The following TVP23A variants were observed in gnomAD, a reference collection of about 807,000 sequenced individuals.
The protein encoded by TVP23A is Golgi apparatus membrane protein TVP23 homolog A.
A neutral mutation model predicts 31.7 loss-of-function variants in TVP23A; 21 were observed. The observed-to-expected ratio is 0.66, with a 90% CI of 0.47 to 0.95. The LOEUF (loss-of-function observed/expected upper bound fraction) is 0.95, where lower values mean the gene tolerates loss of function less well. Ranked by LOEUF, TVP23A falls within the 40% of genes least tolerant of loss-of-function variation. The pLI, the probability that TVP23A is intolerant of heterozygous loss-of-function variation, is 0.00. For synonymous variants in TVP23A, 104 were observed against 96.0 expected, an observed-to-expected ratio of 1.08 and a Z score of -0.49; for missense variants, 279 against 255.6, an observed-to-expected ratio of 1.09 and a Z score of -0.62.
intron 2 of TVP23A, among the ~76,000 whole-genome samples, chr16:10,807,636 T>C (rs2034006049): frequency 6.6e-6 from 1 of 152,136 alleles, no homozygotes; most frequent in East Asian, 1.9e-4. Flanking sequence ...CCACATAGAA[T>C]GATCTGCCTC....
intron 2 of TVP23A, 120 bp downstream of exon 2, chr16:10,817,983 T>C (rs566178199): frequency 1.4e-4 from 117 of 843,890 alleles, no homozygotes; most frequent in Non-Finnish European, 2.2e-4. Flanking sequence ...TCCACAGATA[T>C]GTCCCCAGCC....
chr16:10,790,570 C>T (rs1302052544), intron 2 of TVP23A, among the ~76,000 whole-genome samples: 1 of 152,078 alleles, frequency 6.6e-6, no homozygotes, highest in Non-Finnish European at 1.5e-5. Context: ...CAGGTGTGAG[C>T]CACTGCGCCC....
rs191806362 is a variant in TVP23A, at chr16:10,766,689, A to G, written c.*2413T>C. The G allele has an allele frequency of 1.9e-3, 674 of 359,648 alleles. 2 individuals carry two copies. Among genetic ancestry groups the G allele is most frequent in the African/African-American group, 0.013 (628 of 47,902 alleles). 22.3% of individuals were successfully genotyped at this position (359,648 alleles called of 1,614,324 possible). On this transcript the variant is annotated 3_prime_UTR_variant, in exon 8 of 8. Coordinates refer to ENST00000299866, the MANE Select transcript of TVP23A (RefSeq NM_001079512.4). This position sits in a 1 kb window ranked among gnomAD's most constrained non-coding sequence, Gnocchi z 4.8. ...AAACGCACAAAGAAAGGAAGGAAGG[A>G]AGGGATTTATTGAAAATGAAAGTCA...
In TVP23A at chr16:10,767,674, A is replaced by C; in HGVS notation, c.*1428T>G. On this transcript the variant is annotated 3_prime_UTR_variant, in exon 8 of 8. Coordinates refer to ENST00000299866, the MANE Select transcript of TVP23A (RefSeq NM_001079512.4). The surrounding 1 kb of genome is among the most constrained non-coding windows in gnomAD (Gnocchi z 4.6). ...TCTTAAAATGCAGACTCCTGGGCCC[A>C]TGTGGAAGCTGCTGAATCAGTTCTC... 2 of 506,662 alleles carry C rather than the reference A, an allele frequency of 3.9e-6. No individual in the cohort carries two copies. Among genetic ancestry groups the C allele is most frequent in the Non-Finnish European group, 3.5e-6 (1 of 285,634 alleles). 31.4% of individuals were successfully genotyped at this position (506,662 alleles called of 1,614,324 possible).
intron 2 of TVP23A, among the ~76,000 whole-genome samples, chr16:10,789,638 GGTCAA>G (rs2032979116): frequency 6.9e-6 from 1 of 145,482 alleles, no homozygotes; most frequent in African/African-American, 2.6e-5. Flanking sequence ...AGACCAGTCT[GGTCAA>G]CACGTGAAAC....
At chr16:10,774,229 T>C (rs1033864391) in intron 3 of TVP23A, 101 bp from the exon 4 acceptor site, 9 of 834,776 alleles carry the variant, frequency 1.1e-5, no homozygotes, top group Non-Finnish European at 1.7e-5. Flanking sequence ...AGACTTGTAC[T>C]GGGAGCAGGA....
At chr16:10,759,508 T>A (rs1175216336), downstream of TVP23A, among the ~76,000 whole-genome samples, 1 of 152,198 alleles carries the variant, frequency 6.6e-6, no homozygotes, top group Non-Finnish European at 1.5e-5. The surrounding 1 kb of genome is among the most constrained non-coding windows in gnomAD (Gnocchi z 4.7). Context: ...GCACACTGGC[T>A]CATGTCTGTA....
At chr16:10,759,766 ACT>A (rs1900814671), downstream of TVP23A, among the ~76,000 whole-genome samples, 3 of 152,096 alleles carry the variant, frequency 2.0e-5, no homozygotes, top group Admixed American at 2.0e-4. The surrounding 1 kb of genome is among the most constrained non-coding windows in gnomAD (Gnocchi z 4.7). Flanking sequence ...ACAGAGCAAG[ACT>A]CTGTCTCAAA....
chr16:10,764,391 C>A (rs1329723319), downstream of TVP23A, among the ~76,000 whole-genome samples: 3 of 150,656 alleles, frequency 2.0e-5, no homozygotes, highest in African/African-American at 7.4e-5. Context: ...TGGAGCATCT[C>A]AGTCTGCTGG....
rs1012113614 is a variant in TVP23A, at chr16:10,775,667, T to A, written c.90-571A>T. The A allele has an allele frequency of 2.1e-5, 10 of 477,796 alleles. No individual in the cohort carries two copies. The African/African-American group carries it at 2.1e-4, about 10-fold the overall frequency. The allele number at this position is 477,796 out of a possible 1,614,324, so 29.6% of individuals were successfully genotyped here. On this transcript the variant is annotated intron_variant, in intron 2 of 7. Transcript: ENST00000299866. ...AGGGGAAGGTGGTTCTTGTTCACTG[T>A]GCCTTTAGACACAAACCTGGCCAGA...
chr16:10,770,328 A>G lies in TVP23A; in HGVS notation c.586T>C (p.Cys196Arg), dbSNP rs1435855687. 1.9e-6 allele frequency: 3 copies of G among 1,551,246 alleles called. No individual in the cohort carries two copies. Among genetic ancestry groups the G allele is most frequent in the Admixed American group, 3.9e-5 (2 of 50,792 alleles). ...CCAGGCTTCTGAAAGTCACCTGGGC[A>G]GGCCTGCAAGGGGAAAAGTCAACCA... ...FLSQTVFQTA[C>R]PGDFQKPGLE... The change falls in exon 7 of 8, where the codon TGC (cysteine) becomes CGC (arginine). Residue 196 changes from cysteine to arginine, a missense_variant. By Grantham distance (180) the Cys-to-Arg change is radical. Transcript: ENST00000299866.
rs996400733 is a variant in TVP23A, at chr16:10,761,329, T to A, written c.*446A>T. ...CACAGACATTCCCTTTCTCGCACTT[T>A]GATGCTGGAATCACTGGTCTTTTCA... On this transcript the variant is annotated 3_prime_UTR_variant and NMD_transcript_variant, in exon 9 of 9. Coordinates refer to the TVP23A transcript ENST00000456096. The A allele has an allele frequency of 5.6e-6, 9 of 1,596,474 alleles. No homozygotes were observed. The African/African-American group carries it at 1.1e-4, about 19-fold the overall frequency.
rs746739702 is a variant in TVP23A, at chr16:10,775,115, G to A, written c.90-19C>T. The A allele has an allele frequency of 3.8e-6, 6 of 1,598,698 alleles. No homozygotes were observed. Among genetic ancestry groups the A allele is most frequent in the Admixed American group, 1.7e-5 (1 of 57,658 alleles). On this transcript the variant is annotated intron_variant, in intron 2 of 7. Transcript: ENST00000299866. Reference sequence around the variant, plus strand: ...GGGGTGTCTAGGAAAGGACCCAGAAGGCGCCCTCACTCCAAGAGCTAAGCG... The same window carrying A: ...GGGGTGTCTAGGAAAGGACCCAGAAAGCGCCCTCACTCCAAGAGCTAAGCG...
chr16:10,770,868 C>CAAAA lies in TVP23A; in HGVS notation c.583-541_583-538dup, dbSNP rs376701429. ...TGGGAGCAGAGTGAGACTCCCATCT[C>CAAAA]AAAAAAAAAAAAAAAAAAAAAAAAA... On this transcript the variant is annotated intron_variant, in intron 6 of 7. Transcript: ENST00000299866. 1.7e-3 allele frequency among the ~76,000 whole-genome samples: 113 copies of CAAAA among 66,448 alleles called. 9 individuals are homozygous for CAAAA. Among genetic ancestry groups the CAAAA allele is most frequent in the African/African-American group, 5.7e-3 (109 of 19,018 alleles). 43.6% of individuals were successfully genotyped at this position (66,448 alleles called of 152,430 possible).
chr16:10,818,181 G>T lies in TVP23A; in HGVS notation c.11C>A (p.Ala4Asp), dbSNP rs1375216960. Reference protein sequence around the residue: MKQALVDDTEDVSL... With the variant: MKQDLVDDTEDVSL... Reference sequence around the variant, plus strand: ...CACATCCTCGGTATCGTCCACCAGGGCCTGGGAGGAGAGCAAGGGCAGGTG... The same window carrying T: ...CACATCCTCGGTATCGTCCACCAGGTCCTGGGAGGAGAGCAAGGGCAGGTG... The change falls in exon 2 of 8, where the codon GCC becomes GAC. Residue 4 changes from alanine (A) to aspartate (D), a missense_variant and splice_region_variant. Physicochemically the swap from Ala to Asp is moderately radical, Grantham distance 126. Coordinates refer to ENST00000299866, the MANE Select transcript of TVP23A (RefSeq NM_001079512.4). This position sits in a 1 kb window ranked among gnomAD's most constrained non-coding sequence, Gnocchi z 4.7. The T allele has an allele frequency of 1.2e-6, 2 of 1,603,616 alleles. No homozygotes were observed. Among genetic ancestry groups the T allele is most frequent in the South Asian group, 1.1e-5 (1 of 88,724 alleles).
chr16:10,810,323 A>G (rs1303906884), intron 2 of TVP23A, among the ~76,000 whole-genome samples: 7 of 151,998 alleles, frequency 4.6e-5, no homozygotes, highest in Admixed American at 4.6e-4. Context: ...CCAAGGTGGG[A>G]GGATCACTTG....
intron 2 of TVP23A, among the ~76,000 whole-genome samples, chr16:10,800,030 T>TTCC (rs35467638): frequency 7.3e-6 from 1 of 137,610 alleles, no homozygotes; most frequent in African/African-American, 3.1e-5. Context: ...TTTTTTTTTT[T>TTCC]TCGCACTGGC....
chr16:10,781,057 C>T (rs2032391415), intron 2 of TVP23A, among the ~76,000 whole-genome samples: 1 of 152,040 alleles, frequency 6.6e-6, no homozygotes, highest in Non-Finnish European at 1.5e-5. Flanking sequence ...AGAGGAGACT[C>T]GGTGCTAACG....
At chr16:10,781,822 C>T (rs56132273) in intron 2 of TVP23A, among the ~76,000 whole-genome samples, 3,402 of 150,062 alleles carry the variant, frequency 0.023, 109 homozygotes, top group African/African-American at 0.07. Flanking sequence ...GTCCAGAACA[C>T]GCAGCCCTCC....
Sources: allele counts gnomAD v4.1 joint callset (sites outside exome capture counted in the v4.1 genomes callset), GRCh38; gene constraint gnomAD v4.1.1; non-coding constraint Gnocchi (gnomAD v3.1); transcripts MANE v1.5; gene names NCBI Gene and HGNC (gene_info 2026-07-23, HGNC 2026-07-21).